LGR4: variants seen among roughly 807,000 people sequenced by gnomAD.
The protein encoded by LGR4 is leucine-rich repeat-containing G protein-coupled receptor 4.
In LGR4, 44 loss-of-function variants were observed where a neutral mutation model predicts 84.8. That is an observed-to-expected ratio of 0.52 (90% CI 0.41 to 0.67). The LOEUF (loss-of-function observed/expected upper bound fraction) is 0.67. Ranked by LOEUF, LGR4 falls within the 30% of genes least tolerant of loss-of-function variation. The pLI, the probability that LGR4 is intolerant of heterozygous loss-of-function variation, is 0.00. For missense variants in LGR4, 1,032 were observed against 1,131.4 expected, an observed-to-expected ratio of 0.91 and a Z score of 1.26; for synonymous variants, 429 against 434.3, an observed-to-expected ratio of 0.99 and a Z score of 0.15.
chr11:27,427,770 A>G (rs1864048238), intron 1 of LGR4, among the ~76,000 whole-genome samples: 1 of 152,182 alleles, frequency 6.6e-6, no homozygotes, highest in Non-Finnish European at 1.5e-5. Context: ...AAGAATGCCA[A>G]TGAAGTTACT....
chr11:27,381,892 GCTGT>G (rs1027225887), intron 7 of LGR4, among the ~76,000 whole-genome samples: 3 of 152,132 alleles, frequency 2.0e-5, no homozygotes, highest in African/African-American at 7.2e-5. Context: ...CCTAGAAACA[GCTGT>G]CTGTCTTAAC....
chr11:27,395,853 AT>A (rs938344629), intron 2 of LGR4, among the ~76,000 whole-genome samples: 3 of 152,194 alleles, frequency 2.0e-5, no homozygotes, highest in Non-Finnish European at 4.4e-5. Flanking sequence ...CATGTTGCTT[AT>A]TTTATGAGCT....
chr11:27,378,993 T>C, intron 10 of LGR4: 1 of 524,056 alleles, frequency 1.9e-6, no homozygotes, highest in Non-Finnish European at 3.3e-6. Flanking sequence ...TAGATGTTGA[T>C]ACTGGGCTTG....
chr11:27,472,067 G>A (rs1462047048), intron 1 of LGR4, 51 bp downstream of exon 1: 2 of 813,260 alleles, frequency 2.5e-6, no homozygotes, highest in Non-Finnish European at 1.6e-6. Flanking sequence ...GGCGCCCCCC[G>A]CTGGGCCCCG....
At position 27,368,924 on chromosome 11, in the gene LGR4, A is replaced by G. The variant is rs1862828884; in HGVS notation, c.1799T>C (p.Val600Ala). 1 of 1,614,182 alleles carries G rather than the reference A, an allele frequency of 6.2e-7. No individual in the cohort carries two copies. The highest frequency in any genetic ancestry group is 1.3e-5 in the African/African-American group (1 of 75,064). The change falls in exon 18 of 18, where the codon GTG (valine) becomes GCG (alanine). Residue 600 changes from valine (V) to alanine (A), a missense_variant. Transcript: ENST00000379214. Reference protein sequence around the residue: ...YTGILTFLDAVSWGRFAEFGI... With the variant: ...YTGILTFLDAASWGRFAEFGI... ...AAATTCAGCGAATCTGCCCCAGGAC[A>G]CAGCATCAAGAAAAGTTAGGATGCC...
At chr11:27,422,297 T>G (rs1288128465) in intron 1 of LGR4, among the ~76,000 whole-genome samples, 1 of 152,200 alleles carries the variant, frequency 6.6e-6, no homozygotes, top group Admixed American at 6.5e-5. Context: ...ATGGCTACAC[T>G]TATTAACGCG....
chr11:27,393,953 G>C (rs1375448077), intron 2 of LGR4, among the ~76,000 whole-genome samples: 1 of 109,938 alleles, frequency 9.1e-6, no homozygotes, highest in African/African-American at 3.3e-5. Context: ...GGGGGGGGGG[G>C]GCGCGGGAAG....
chr11:27,372,218 T>C (rs1862897510), intron 16 of LGR4, 65 bp downstream of exon 16: 1 of 959,182 alleles, frequency 1.0e-6, no homozygotes, highest in Non-Finnish European at 1.7e-6. Context: ...AAAGTAATTA[T>C]AATAACAGGA....
Position 27,391,226 on chromosome 11 carries a change from A to C in LGR4, c.330-61T>G, listed in dbSNP as rs982284755. On this transcript the variant is annotated intron_variant, in intron 3 of 17. Transcript: ENST00000379214. ...ATAGTTACCATTTTTTCTTAGAAAA[A>C]TTCAGAGCCTTTTTTTTTTTTTTTT... The C allele has an allele frequency of 8.5e-6, 7 of 822,224 alleles. No homozygotes were observed. In the African/African-American group the frequency reaches 1.0e-4, roughly 12 times the overall value. 50.9% of individuals were successfully genotyped at this position (822,224 alleles called of 1,614,324 possible).
chr11:27,372,531 C>T (rs1269673202), intron 15 of LGR4, 133 bp from the exon 16 acceptor site: 2 of 593,114 alleles, frequency 3.4e-6, no homozygotes, highest in Admixed American at 5.7e-5. Flanking sequence ...TTAGGCTGGT[C>T]GTTCATCCTC....
intron 9 of LGR4, 121 bp downstream of exon 9, chr11:27,380,519 C>T: frequency 1.3e-6 from 1 of 790,854 alleles, no homozygotes; most frequent in South Asian, 2.0e-5. Flanking sequence ...ATTATAAATT[C>T]TGCCCAAGGG....
rs1312559023 is a variant in LGR4 at position 27,367,031 on chromosome 11, G to A, written c.*836C>T. The A allele has an allele frequency of 6.6e-6, 1 of 152,174 alleles. No individual in the cohort carries two copies. The highest frequency in any genetic ancestry group is 1.5e-5 in the Non-Finnish European group (1 of 68,026). The allele number at this position is 152,174 out of a possible 1,614,324, so 9.4% of individuals were successfully genotyped here. A position where few individuals can be genotyped will look rare whatever the true frequency, so the allele number is the denominator to read the frequency against. On this transcript the variant is annotated 3_prime_UTR_variant, in exon 18 of 18. Transcript: ENST00000379214. ...ACGATATTAGGAAGTATTCATTAAT[G>A]AGAACATTACATGAAGCCACCAAAT...
In LGR4 at chr11:27,391,014, T is replaced by C. The variant is rs567324893; in HGVS notation, c.401+80A>G. Reference sequence around the variant, plus strand: ...TCAGATGAAAGGATAAATCTCCTCTTTCCTTACAATTCTAGTTATTTACAT... The same window carrying C: ...TCAGATGAAAGGATAAATCTCCTCTCTCCTTACAATTCTAGTTATTTACAT... On this transcript the variant is annotated intron_variant, in intron 4 of 17. Transcript: ENST00000379214. 145 of 832,244 alleles carry C rather than the reference T, an allele frequency of 1.7e-4. 1 individual carries two copies. The South Asian group carries it at 2.2e-3, about 13-fold the overall frequency. The allele number at this position is 832,244 out of a possible 1,614,324, so 51.6% of individuals were successfully genotyped here.
intron 1 of LGR4, among the ~76,000 whole-genome samples, chr11:27,449,325 G>C (rs1864443420): frequency 6.6e-6 from 1 of 152,208 alleles, no homozygotes; most frequent in Non-Finnish European, 1.5e-5. Context: ...GCTCATGCCT[G>C]TAATCCCAGC....
At chr11:27,395,016 C>T (rs1349095162) in intron 2 of LGR4, among the ~76,000 whole-genome samples, 5 of 152,124 alleles carry the variant, frequency 3.3e-5, no homozygotes, top group African/African-American at 9.7e-5. Flanking sequence ...TTAGTGCAAG[C>T]TTGGTACAAG....
intron 6 of LGR4, 78 bp from the exon 7 acceptor site, chr11:27,382,334 TA>T (rs1407547188): frequency 1.5e-5 from 14 of 937,780 alleles, no homozygotes; most frequent in African/African-American, 1.3e-4. Flanking sequence ...TACAGACAAG[TA>T]TTTTTTTAAA....
At chr11:27,371,794 C>A (rs1211640031) in intron 16 of LGR4, 96 bp from the exon 17 acceptor site, 2 of 806,390 alleles carry the variant, frequency 2.5e-6, no homozygotes, top group Admixed American at 2.1e-5. Context: ...AGTGTGAGTT[C>A]TCCTTATAGA....
At chr11:27,380,600 G>T in intron 9 of LGR4, 40 bp downstream of exon 9, 1 of 1,297,566 alleles carries the variant, frequency 7.7e-7, no homozygotes, top group Non-Finnish European at 1.1e-6. Flanking sequence ...TAAAACAACT[G>T]TATAAATATC....
At chr11:27,397,506 ACT>A (rs1437348944) in intron 2 of LGR4, among the ~76,000 whole-genome samples, 1 of 152,052 alleles carries the variant, frequency 6.6e-6, no homozygotes, top group Non-Finnish European at 1.5e-5. Flanking sequence ...CCATTGTAAG[ACT>A]CTGGATTTGC....
Sources: gnomAD v4.1 joint callset for allele counts (sites outside exome capture counted in the v4.1 genomes callset) on GRCh38, gnomAD v4.1.1 for gene constraint, MANE v1.5 for transcripts, NCBI Gene and HGNC (gene_info 2026-07-23, HGNC 2026-07-21) for gene names.